The following KDM4C variants were observed in gnomAD, a reference collection of about 807,000 sequenced individuals.
The protein encoded by KDM4C is lysine demethylase 4C.
In KDM4C, 81 loss-of-function variants were observed where a neutral mutation model predicts 129.3. The observed-to-expected ratio is 0.63, with a 90% confidence interval of 0.52 to 0.75. The LOEUF is 0.75. Ranked by LOEUF, KDM4C falls within the 30% of genes least tolerant of loss-of-function variation. The pLI is 0.00. For synonymous variants in KDM4C, 573 were observed against 456.1 expected, an observed-to-expected ratio of 1.26 and a Z score of -3.26; for missense variants, 1,457 against 1,304.0, an observed-to-expected ratio of 1.12 and a Z score of -1.81.
At chr9:6,774,355 C>A (rs1421350380) in intron 1 of KDM4C, among the ~76,000 whole-genome samples, 1 of 152,012 alleles carries the variant, frequency 6.6e-6, no homozygotes, top group African/African-American at 2.4e-5. Flanking sequence ...GCTTGACATA[C>A]AGAGGGATTT....
chr9:6,828,534 T>C (rs939402475), intron 4 of KDM4C, among the ~76,000 whole-genome samples: 1 of 152,052 alleles, frequency 6.6e-6, no homozygotes, highest in Non-Finnish European at 1.5e-5. Context: ...CCTTGGAATG[T>C]TCACGTAGAG....
At chr9:7,027,630 C>T (rs1826018362) in intron 15 of KDM4C, among the ~76,000 whole-genome samples, 1 of 152,200 alleles carries the variant, frequency 6.6e-6, no homozygotes, top group Non-Finnish European at 1.5e-5. Context: ...TGGGACACTA[C>T]AGTCAGCAGA....
chr9:6,970,012 C>A (rs818900), intron 8 of KDM4C, among the ~76,000 whole-genome samples: 41,336 of 152,102 alleles, frequency 0.27, 6,442 homozygotes, highest in South Asian at 0.41. Context: ...GGCCATGTGC[C>A]CATCTCTGAA....
chr9:6,939,592 T>A (rs1232405730), intron 8 of KDM4C, among the ~76,000 whole-genome samples: 6 of 151,964 alleles, frequency 3.9e-5, no homozygotes, highest in Non-Finnish European at 8.8e-5. Flanking sequence ...GGATGTAGAG[T>A]TGGGTGTTGA....
intron 21 of KDM4C, chr9:7,171,082 A>G (rs989260542): frequency 6.6e-6 from 1 of 152,178 alleles, no homozygotes; most frequent in Non-Finnish European, 1.5e-5. Flanking sequence ...GCTTTTTTCC[A>G]GTCAGATGGG....
chr9:6,873,501 C>T (rs1039837436), intron 5 of KDM4C, among the ~76,000 whole-genome samples: 4 of 152,210 alleles, frequency 2.6e-5, no homozygotes, highest in Non-Finnish European at 4.4e-5. Context: ...TGCTGTTTCA[C>T]CTTGTACTTC....
intron 1 of KDM4C, among the ~76,000 whole-genome samples, chr9:6,750,191 A>C (rs1456680598): frequency 6.6e-6 from 1 of 151,924 alleles, no homozygotes; most frequent in Non-Finnish European, 1.5e-5. Flanking sequence ...CTGTAATCCC[A>C]GCACTTTGGG....
intron 1 of KDM4C, among the ~76,000 whole-genome samples, chr9:6,722,140 C>T (rs1050903735): frequency 1.3e-5 from 2 of 152,316 alleles, no homozygotes; most frequent in South Asian, 4.1e-4. Context: ...ACAAATTTGG[C>T]ATCCAACCTG....
In KDM4C at chr9:6,806,988, C is replaced by T. The variant is rs1830108499; in HGVS notation, c.320+1214C>T. Among the ~76,000 whole-genome samples, 8 of 152,144 alleles carry T rather than the reference C, an allele frequency of 5.3e-5. No homozygotes were observed. In the South Asian group the frequency reaches 1.7e-3, roughly 31 times the overall value. ...GTACTGCTGCCATCTCCGCTCACTG[C>T]AACCTCCCTGCCTGATTCTCCTGCC... On this transcript the variant is annotated intron_variant, in intron 3 of 21. Transcript: ENST00000381309.
intron 2 of KDM4C, among the ~76,000 whole-genome samples, chr9:6,803,565 G>T (rs904258714): frequency 5.5e-5 from 8 of 144,962 alleles, no homozygotes; most frequent in African/African-American, 2.1e-4. Context: ...AGCAAAACTC[G>T]GTCTCAAAAA....
chr9:7,144,647 C>T (rs560727724), intron 19 of KDM4C, among the ~76,000 whole-genome samples: 72 of 152,336 alleles, frequency 4.7e-4, no homozygotes, highest in African/African-American at 1.3e-3. Flanking sequence ...TCCACTCATC[C>T]GCATATACAT....
intron 1 of KDM4C, among the ~76,000 whole-genome samples, chr9:6,784,093 A>G (rs1444175664): frequency 6.6e-6 from 1 of 152,116 alleles, no homozygotes; most frequent in Non-Finnish European, 1.5e-5. Context: ...GCCAGCATGC[A>G]GATGTTACTA....
At chr9:6,807,635 C>CAT (rs1440923479) in intron 3 of KDM4C, among the ~76,000 whole-genome samples, 1 of 148,046 alleles carries the variant, frequency 6.8e-6, no homozygotes. Context: ...GTGAGGATAC[C>CAT]CTCTGCCTGG....
At chr9:6,970,080 A>G (rs975656145) in intron 8 of KDM4C, among the ~76,000 whole-genome samples, 3 of 152,192 alleles carry the variant, frequency 2.0e-5, no homozygotes, top group South Asian at 4.1e-4. Flanking sequence ...CCTAAATTAC[A>G]TGCCTGAGTT....
chr9:6,900,491 G>A (rs1817209713), intron 8 of KDM4C, among the ~76,000 whole-genome samples: 1 of 151,952 alleles, frequency 6.6e-6, no homozygotes, highest in South Asian at 2.1e-4. Context: ...AGTGGAGCCA[G>A]GGGCATGGTG....
intron 2 of KDM4C, among the ~76,000 whole-genome samples, chr9:6,798,776 T>C (rs1432650422): frequency 1.3e-5 from 2 of 151,910 alleles, no homozygotes; most frequent in African/African-American, 2.4e-5. Flanking sequence ...GACGGGGTGG[T>C]GGCCGGGCAG....
intron 8 of KDM4C, among the ~76,000 whole-genome samples, chr9:6,959,722 G>A (rs1829705383): frequency 6.6e-6 from 1 of 152,102 alleles, no homozygotes; most frequent in African/African-American, 2.4e-5. Context: ...TTGTAGTCTA[G>A]TTAGGCTACA....
chr9:6,730,374 C>T lies in KDM4C; in HGVS notation c.49+9377C>T, dbSNP rs553921543. ...CTCACGCCTGTAATTCCAGCACTTTCGGAGGCCAAGGCAGGAGGATCACAA... is the reference window on the plus strand; with the variant it reads ...CTCACGCCTGTAATTCCAGCACTTTTGGAGGCCAAGGCAGGAGGATCACAA... On this transcript the variant is annotated intron_variant, in intron 1 of 17. Transcript: ENST00000536108. Among the ~76,000 whole-genome samples the T allele has an allele frequency of 4.8e-4, 73 of 151,718 alleles. 1 individual carries two copies. Among genetic ancestry groups the T allele is most frequent in the South Asian group, 1.3e-3 (6 of 4,794 alleles).
At chr9:7,035,970 C>G (rs1191148364) in intron 15 of KDM4C, among the ~76,000 whole-genome samples, 1 of 152,094 alleles carries the variant, frequency 6.6e-6, no homozygotes, top group Non-Finnish European at 1.5e-5. Context: ...TATTTGGGAT[C>G]ATTTGTGGTT....
Sources: allele counts gnomAD v4.1 joint callset (sites outside exome capture counted in the v4.1 genomes callset), GRCh38; gene constraint gnomAD v4.1.1; transcripts MANE v1.5; gene names NCBI Gene and HGNC (gene_info 2026-07-23, HGNC 2026-07-21).